XRCC4: variants seen among roughly 807,000 people sequenced by gnomAD.
The protein encoded by XRCC4 is DNA repair protein XRCC4.
In XRCC4, 28 loss-of-function variants were observed where a neutral mutation model predicts 39.1. That is an observed-to-expected ratio of 0.72 (90% CI 0.53 to 0.98). The LOEUF is 0.98. XRCC4 is among the 50% of genes least tolerant of loss of function. XRCC4 has a pLI of 0.00. For missense variants in XRCC4, 350 were observed against 376.4 expected (o/e 0.93, Z 0.58); for synonymous variants, 123 against 126.4 (o/e 0.97, Z 0.18).
chr5:83,278,274 A>G (rs142558187), intron 7 of XRCC4, among the ~76,000 whole-genome samples: 22 of 152,338 alleles, frequency 1.4e-4, no homozygotes, highest in Non-Finnish European at 3.1e-4. Context: ...GAGATTAACC[A>G]CAATGCAGAT....
rs538087154 is a variant in XRCC4, at chr5:83,161,144, CT to C, written c.316-34624del. On this transcript the variant is annotated intron_variant, in intron 3 of 7. Transcript: ENST00000396027. ...TTTTTTTTTGAGATGGAGTTTTGCTCTTGTTGCCTAGGCTGGAGTGCAGTGG... is the reference window on the plus strand; with the variant it reads ...TTTTTTTTTGAGATGGAGTTTTGCTCTGTTGCCTAGGCTGGAGTGCAGTGG... Among the ~76,000 whole-genome samples the C allele has an allele frequency of 1.2e-4, 17 of 143,376 alleles. No homozygotes were observed. The South Asian group carries it at 3.3e-3, about 28-fold the overall frequency. 94.1% of individuals were successfully genotyped at this position (143,376 alleles called of 152,430 possible).
At chr5:83,106,031 G>T (rs4703944) in intron 2 of XRCC4, among the ~76,000 whole-genome samples, 2 of 152,068 alleles carry the variant, frequency 1.3e-5, no homozygotes, top group Non-Finnish European at 1.5e-5. Flanking sequence ...CACAGAACAG[G>T]TAATGTTGAT....
chr5:83,250,343 T>C (rs568960549), intron 6 of XRCC4, among the ~76,000 whole-genome samples: 29 of 152,206 alleles, frequency 1.9e-4, no homozygotes, highest in Non-Finnish European at 3.8e-4. Flanking sequence ...CAGGCATAAA[T>C]AATCAATAAT....
At chr5:83,302,652 A>T (rs539718165) in intron 7 of XRCC4, among the ~76,000 whole-genome samples, 29 of 152,082 alleles carry the variant, frequency 1.9e-4, no homozygotes, top group Non-Finnish European at 3.5e-4. Context: ...TTGCCTGGAA[A>T]CCCTCAATTT....
intron 3 of XRCC4, among the ~76,000 whole-genome samples, chr5:83,157,246 G>A (rs11741897): frequency 0.48 from 73,642 of 151,886 alleles, 18,821 homozygotes; most frequent in African/African-American, 0.63. Context: ...AGGTCATTCA[G>A]TGGAAGGTCT....
At chr5:83,161,638 A>G (rs1215019532) in intron 3 of XRCC4, among the ~76,000 whole-genome samples, 3 of 152,212 alleles carry the variant, frequency 2.0e-5, no homozygotes, top group Non-Finnish European at 2.9e-5. Context: ...ATGTAACAGA[A>G]TTAGTTGCTA....
chr5:83,078,937 G>A (rs1307822478), intron 1 of XRCC4, among the ~76,000 whole-genome samples: 1 of 152,168 alleles, frequency 6.6e-6, no homozygotes, highest in Non-Finnish European at 1.5e-5. Context: ...AACAAACCTG[G>A]TTTAGTTATG....
intron 1 of XRCC4, among the ~76,000 whole-genome samples, chr5:83,086,479 A>C (rs1219029963): frequency 6.6e-6 from 1 of 152,216 alleles, no homozygotes. Context: ...AAAGGAAAAT[A>C]TATTTACTAT....
intron 3 of XRCC4, among the ~76,000 whole-genome samples, chr5:83,171,200 C>G (rs1486334372): frequency 1.3e-5 from 2 of 152,130 alleles, no homozygotes; most frequent in Admixed American, 6.6e-5. Context: ...AAGTGAACTT[C>G]TCAGCACTTG....
At chr5:83,146,550 A>G (rs1748462152) in intron 3 of XRCC4, among the ~76,000 whole-genome samples, 2 of 152,176 alleles carry the variant, frequency 1.3e-5, no homozygotes, top group South Asian at 4.1e-4. Context: ...TCTTTCTGGA[A>G]AGTAAGAAAT....
intron 3 of XRCC4, among the ~76,000 whole-genome samples, chr5:83,157,317 C>G (rs1449376455): frequency 6.6e-6 from 1 of 152,084 alleles, no homozygotes; most frequent in Admixed American, 6.6e-5. Context: ...CTACTCTGTT[C>G]TGCCTATTGT....
intron 3 of XRCC4, among the ~76,000 whole-genome samples, chr5:83,164,589 A>G (rs538713154): frequency 6.6e-6 from 1 of 152,270 alleles, no homozygotes; most frequent in South Asian, 2.1e-4. Flanking sequence ...TTCTCACTAC[A>G]CACAAATGAG....
At chr5:83,134,952 A>G (rs1305210421) in intron 3 of XRCC4, among the ~76,000 whole-genome samples, 1 of 152,096 alleles carries the variant, frequency 6.6e-6, no homozygotes, top group Non-Finnish European at 1.5e-5. Context: ...CGAACCCACC[A>G]GAAGGAAGAT....
chr5:83,352,727 G>C (rs1757116726), intron 7 of XRCC4, among the ~76,000 whole-genome samples: 1 of 152,170 alleles, frequency 6.6e-6, no homozygotes, highest in Non-Finnish European at 1.5e-5. Flanking sequence ...CTGCTGCTAA[G>C]AGATTAAAAT....
At chr5:83,291,961 G>A (rs1301595520) in intron 7 of XRCC4, among the ~76,000 whole-genome samples, 1 of 143,536 alleles carries the variant, frequency 7.0e-6, no homozygotes. Context: ...CTGTGTGTGT[G>A]TGTGTGTGTG....
chr5:83,285,174 A>G (rs1008836986), intron 7 of XRCC4, among the ~76,000 whole-genome samples: 9 of 152,144 alleles, frequency 5.9e-5, no homozygotes, highest in Non-Finnish European at 1.3e-4. Context: ...AATTGTACAT[A>G]TGTTCTAAAG....
chr5:83,177,071 AC>A (rs1749992872), intron 3 of XRCC4, among the ~76,000 whole-genome samples: 1 of 152,170 alleles, frequency 6.6e-6, no homozygotes, highest in African/African-American at 2.4e-5. Context: ...TCAGCAAATT[AC>A]CCCCTTATCA....
At chr5:83,175,484 G>A (rs906132431) in intron 3 of XRCC4, among the ~76,000 whole-genome samples, 1 of 152,196 alleles carries the variant, frequency 6.6e-6, no homozygotes, top group Admixed American at 6.5e-5. Context: ...AGTAATTCAA[G>A]TTATTTTGAC....
chr5:83,117,993 A>G (rs1746815303), intron 3 of XRCC4, among the ~76,000 whole-genome samples: 1 of 151,748 alleles, frequency 6.6e-6, no homozygotes, highest in South Asian at 2.1e-4. Context: ...AGGTTTGAAG[A>G]AAAATTAAAC....
Sources: gnomAD v4.1 joint callset for allele counts (sites outside exome capture counted in the v4.1 genomes callset) on GRCh38, gnomAD v4.1.1 for gene constraint, MANE v1.5 for transcripts, NCBI Gene and HGNC (gene_info 2026-07-23, HGNC 2026-07-21) for gene names.